Variants in GPHN observed in about 807,000 individuals in gnomAD.
GPHN encodes the protein gephyrin.
In GPHN, 17 loss-of-function variants were observed where a neutral mutation model predicts 95.5. That is an observed-to-expected ratio of 0.18 (90% confidence interval 0.12 to 0.27). The LOEUF (loss-of-function observed/expected upper bound fraction) is 0.27, where lower values mean the gene tolerates loss of function less well. Ranked by LOEUF, GPHN falls within the 10% of genes least tolerant of loss-of-function variation. GPHN has a pLI of 1.00. For synonymous variants in GPHN, 320 were observed against 322.5 expected, an observed-to-expected ratio of 0.99 and a Z score of 0.08; for missense variants, 660 against 978.1, an observed-to-expected ratio of 0.67 and a Z score of 4.34.
chr14:67,093,517 G>A (rs2077223551), intron 12 of GPHN, among the ~76,000 whole-genome samples: 1 of 152,000 alleles, frequency 6.6e-6, no homozygotes, highest in Non-Finnish European at 1.5e-5. Context: ...TACTTTCAGT[G>A]AAAAAGAGGG....
chr14:67,464,421 C>A, the GPHN span, among the ~76,000 whole-genome samples: 1 of 152,106 alleles, frequency 6.6e-6, no homozygotes, highest in African/African-American at 2.4e-5. Flanking sequence ...ACATCCATCA[C>A]CCTCTGTCCC....
At chr14:66,892,781 T>C (rs1481474219) in intron 5 of GPHN, among the ~76,000 whole-genome samples, 2 of 152,146 alleles carry the variant, frequency 1.3e-5, no homozygotes, top group Admixed American at 1.3e-4. Flanking sequence ...AGTTTTTGTT[T>C]GGGATGATGA....
chr14:67,121,148 CA>C (rs1330209101), intron 16 of GPHN, among the ~76,000 whole-genome samples: 1 of 152,102 alleles, frequency 6.6e-6, no homozygotes. Flanking sequence ...TTTCTCACTT[CA>C]AGTAAGTACT....
chr14:66,856,774 C>T (rs887501217), intron 4 of GPHN, among the ~76,000 whole-genome samples: 3 of 151,896 alleles, frequency 2.0e-5, no homozygotes, highest in Admixed American at 6.6e-5. Flanking sequence ...TCTTCCTAAG[C>T]GAAACTGATT....
the GPHN span, among the ~76,000 whole-genome samples, chr14:67,311,237 G>A: frequency 1.3e-5 from 2 of 151,528 alleles, no homozygotes; most frequent in African/African-American, 4.9e-5. Flanking sequence ...CTTGAACCCG[G>A]GAGATGGAGT....
At chr14:67,220,878 G>T in the GPHN span, among the ~76,000 whole-genome samples, 1 of 152,026 alleles carries the variant, frequency 6.6e-6, no homozygotes, top group Non-Finnish European at 1.5e-5. Flanking sequence ...ACTTGAACTG[G>T]GTGTATTTGC....
chr14:67,065,086 C>G (rs940722743), intron 11 of GPHN, among the ~76,000 whole-genome samples: 2 of 152,184 alleles, frequency 1.3e-5, no homozygotes, highest in Admixed American at 6.5e-5. Flanking sequence ...ATAAGTTTCC[C>G]TCTACACACT....
intron 1 of GPHN, among the ~76,000 whole-genome samples, chr14:66,613,200 G>C (rs926070192): frequency 2.0e-5 from 3 of 151,978 alleles, no homozygotes; most frequent in Non-Finnish European, 1.5e-5. Context: ...TGTTTTATGT[G>C]TGTTTCTGTT....
the GPHN span, chr14:67,582,296 G>GC: frequency 6.3e-7 from 1 of 1,598,484 alleles, no homozygotes; most frequent in Non-Finnish European, 8.5e-7. This position sits in a 1 kb window ranked among gnomAD's most constrained non-coding sequence, Gnocchi z 5.0. Context: ...GAGAGATTCT[G>GC]CAGATCCTGT....
the GPHN span, among the ~76,000 whole-genome samples, chr14:67,415,499 T>C: frequency 6.6e-6 from 1 of 152,274 alleles, no homozygotes; most frequent in Admixed American, 6.5e-5. Flanking sequence ...TAATTTTAGG[T>C]TAAAGGGTGT....
the GPHN span, among the ~76,000 whole-genome samples, chr14:67,258,903 G>A: frequency 6.6e-6 from 1 of 152,094 alleles, no homozygotes; most frequent in Admixed American, 6.5e-5. Context: ...GTGCAGTGGT[G>A]TGATCTCTGC....
At chr14:66,672,309 A>G (rs1291758100) in intron 1 of GPHN, among the ~76,000 whole-genome samples, 1 of 152,090 alleles carries the variant, frequency 6.6e-6, no homozygotes, top group Non-Finnish European at 1.5e-5. Context: ...CAACACTATA[A>G]TTTTGTGGTA....
rs769173331 is a variant in GPHN, at chr14:67,169,015, G to A, written c.2058G>A (p.Arg686=). The A allele has an allele frequency of 6.2e-7, 1 of 1,612,112 alleles. No individual in the cohort carries two copies. Among genetic ancestry groups the A allele is most frequent in the South Asian group, 1.1e-5 (1 of 91,028 alleles). Residue 686 remains arginine (R), a synonymous_variant, in exon 21 of 23, where the codon CGG becomes CGA. Transcript: ENST00000478722. ...AAATGCAGGGCATCTTGGATCCTCG[G>A]CCAACCATCATCAAAGCAAGGGTAA... ...LRKMQGILDP[R]PTIIKARLSC...
At chr14:67,167,304 G>A (rs1490022537) in intron 20 of GPHN, among the ~76,000 whole-genome samples, 1 of 152,100 alleles carries the variant, frequency 6.6e-6, no homozygotes, top group East Asian at 1.9e-4. Context: ...ATACAGTAAT[G>A]TTATAAAGTG....
intron 18 of GPHN, among the ~76,000 whole-genome samples, chr14:67,151,863 C>T (rs2081307006): frequency 2.0e-5 from 3 of 152,008 alleles, no homozygotes; most frequent in Admixed American, 1.3e-4. Context: ...AAGCTGGTCT[C>T]GAACTCCTGG....
At chr14:66,527,494 C>A (rs945325646) in intron 1 of GPHN, among the ~76,000 whole-genome samples, 1 of 150,092 alleles carries the variant, frequency 6.7e-6, no homozygotes, top group Non-Finnish European at 1.5e-5. Flanking sequence ...TTAGTTATTT[C>A]GTGTCTTCTG....
the GPHN span, among the ~76,000 whole-genome samples, chr14:67,403,236 A>C: frequency 6.6e-6 from 1 of 152,198 alleles, no homozygotes; most frequent in Non-Finnish European, 1.5e-5. Flanking sequence ...AGAAATGTCT[A>C]TTCAAATCTT....
At chr14:67,381,747 C>T in the GPHN span, 2 of 1,139,910 alleles carry the variant, frequency 1.8e-6, no homozygotes, top group Non-Finnish European at 2.5e-6. Flanking sequence ...CAAATAGGAT[C>T]TTTGATCTTT....
chr14:67,208,193 T>G, the GPHN span: 1 of 1,612,598 alleles, frequency 6.2e-7, no homozygotes, highest in Non-Finnish European at 8.5e-7. Context: ...CTGCTTTTTA[T>G]TTTTAAAGGA....
Sources: gnomAD v4.1 joint callset for allele counts (sites outside exome capture counted in the v4.1 genomes callset) on GRCh38, gnomAD v4.1.1 for gene constraint, Gnocchi (gnomAD v3.1) non-coding constraint, MANE v1.5 for transcripts, NCBI Gene and HGNC (gene_info 2026-07-23, HGNC 2026-07-21) for gene names.